MYBPC3: variants seen among roughly 807,000 people sequenced by gnomAD.
MYBPC3 encodes the protein myosin-binding protein C, cardiac-type.
In MYBPC3, 108 loss-of-function variants were observed where a neutral mutation model predicts 159.3. The ratio of observed to expected loss-of-function variants is 0.68; its 90% CI spans 0.58 to 0.80. The LOEUF is 0.80. Among genes scored for constraint, MYBPC3 ranks in the 30% least tolerant of loss-of-function variants. The pLI is 0.00. For missense variants in MYBPC3, 1,631 were observed against 1,762.1 expected (o/e 0.93, Z 1.33); for synonymous variants, 730 against 702.0 (o/e 1.04, Z -0.63).
chr11:47,346,668 G>C lies in MYBPC3; in HGVS notation c.909-24C>G. The C allele has an allele frequency of 6.3e-7, 1 of 1,597,122 alleles. No homozygotes were observed. The highest frequency in any genetic ancestry group is 8.5e-7 in the Non-Finnish European group (1 of 1,170,532). ...TGCTGCTCCAGGGGTGGGGGTGGGA[G>C]AAAGGGTAGGTGGCACATGAGAGGT... On this transcript the variant is annotated intron_variant, in intron 10 of 34. Transcript: ENST00000545968. The surrounding 1 kb of genome is among the most constrained non-coding windows in gnomAD (Gnocchi z 5.3).
intron 27 of MYBPC3, 104 bp from the exon 28 acceptor site, chr11:47,334,114 A>C (rs1477522299): frequency 7.8e-6 from 9 of 1,152,434 alleles, no homozygotes; most frequent in Non-Finnish European, 9.9e-6. Context: ...TGCAGCTAAG[A>C]AAAAAGCTGC....
intron 6 of MYBPC3, among the ~76,000 whole-genome samples, 172 bp from the exon 7 acceptor site, chr11:47,348,077 C>A (rs2095896250): frequency 6.6e-6 from 1 of 152,190 alleles, no homozygotes; most frequent in Non-Finnish European, 1.5e-5. Flanking sequence ...GGTCAAGGTA[C>A]CAGGCAGGTG....
chr11:47,343,031 G>T lies in MYBPC3; in HGVS notation c.1341C>A (p.Leu447=). ...VVGGEKCSTE[L]FVKEPPVLIT... is the part of the protein sequence containing the mutation. ...AGGTCCCAGGCCCACCTTTCACAAA[G>T]AGCTCCGTGCTACACTTCTCGCCAC... The change falls in exon 15 of 35, where the codon CTC becomes CTA. Residue 447 remains leucine (L), a synonymous_variant. Transcript: ENST00000545968. The T allele has an allele frequency of 6.2e-7, 1 of 1,613,292 alleles. No homozygotes were observed. The highest frequency in any genetic ancestry group is 1.1e-5 in the South Asian group (1 of 90,958).
Position 47,333,259 on chromosome 11 carries a change from G to A in MYBPC3, c.3265C>T (p.Pro1089Ser), listed in dbSNP as rs1489606321. 1 of 1,587,196 alleles carries A rather than the reference G, an allele frequency of 6.3e-7. No homozygotes were observed. Among genetic ancestry groups the A allele is most frequent in the Non-Finnish European group, 8.6e-7 (1 of 1,166,264 alleles). ...AGCTCCGTGTTGCCGACATCCTGGG[G>A]TGGCTTCCACTCCAGAGCCACATTA... Reference protein sequence around the residue: ...GLNVALEWKPPQDVGNTELWG... With the variant: ...GLNVALEWKPSQDVGNTELWG... The change falls in exon 30 of 35, where the codon CCC (proline) becomes TCC (serine). Residue 1089 changes from proline (P) to serine (S), a missense_variant. Transcript: ENST00000545968.
At chr11:47,344,168 C>G (rs1178390355) in intron 12 of MYBPC3, among the ~76,000 whole-genome samples, 2 of 152,250 alleles carry the variant, frequency 1.3e-5, no homozygotes, top group African/African-American at 4.8e-5. Flanking sequence ...GTCCTCTCCA[C>G]CTGCTCAGCT....
At chr11:47,349,686 G>A in intron 5 of MYBPC3, 88 bp downstream of exon 5, 2 of 1,486,140 alleles carry the variant, frequency 1.3e-6, no homozygotes, top group African/African-American at 1.4e-5. Flanking sequence ...TGTGCCTCTG[G>A]GTCTCATGGT....
Position 47,331,604 on chromosome 11 carries a change from GA to G in MYBPC3, c.*138del, listed in dbSNP as rs2095874795. 2 of 513,388 alleles carry G rather than the reference GA, an allele frequency of 3.9e-6. No individual in the cohort carries two copies. Among genetic ancestry groups the G allele is most frequent in the Non-Finnish European group, 7.0e-6 (2 of 285,732 alleles). The allele number at this position is 513,388 out of a possible 1,614,324, so 31.8% of individuals were successfully genotyped here. On this transcript the variant is annotated 3_prime_UTR_variant, in exon 35 of 35. Coordinates refer to ENST00000545968, the MANE Select transcript of MYBPC3 (RefSeq NM_000256.3). The stretch of plus-strand genomic sequence containing the variant: ...AGGACTGCCCGACAACTGCCCTGCT[GA>G]TCCCCCATCGCAGCACAGGAGACAC...
Position 47,342,656 on chromosome 11 carries a change from C to T in MYBPC3, c.1546G>A (p.Glu516Lys), listed in dbSNP as rs730880545. ...TGCCCCGCGTCCTCCAGCATGGCCT[C>T]GTTGATGATCAGGTGGTGTCTCTGC... ...DGQRHHLIIN[E>K]AMLEDAGHYA... The change falls in exon 17 of 35, where the codon GAG becomes AAG. Residue 516 changes from glutamate (E) to lysine (K), a missense_variant. By Grantham distance (56) the Glu-to-Lys change is moderately conservative. Coordinates refer to ENST00000545968, the MANE Select transcript of MYBPC3 (RefSeq NM_000256.3). 1.4e-5 allele frequency: 22 copies of T among 1,613,892 alleles called. No homozygotes were observed. The South Asian group carries it at 1.6e-4, about 12-fold the overall frequency.
intron 12 of MYBPC3, among the ~76,000 whole-genome samples, chr11:47,344,377 G>A (rs1339452265): frequency 1.3e-5 from 2 of 152,290 alleles, no homozygotes; most frequent in South Asian, 4.1e-4. Flanking sequence ...CCATGCTGCT[G>A]CAGTGGGGGA....
intron 17 of MYBPC3, 99 bp downstream of exon 17, chr11:47,342,479 C>T: frequency 7.2e-7 from 1 of 1,394,798 alleles, no homozygotes; most frequent in South Asian, 1.5e-5. Context: ...TCACAGAGGC[C>T]TTGAGCCCAG....
chr11:47,343,744 G>T, intron 12 of MYBPC3, 120 bp from the exon 13 acceptor site: 1 of 925,528 alleles, frequency 1.1e-6, no homozygotes, highest in East Asian at 2.8e-5. Flanking sequence ...GTGCCGCCCC[G>T]CTTCCACTTC....
rs397515998 is a variant in MYBPC3, at chr11:47,333,699, G to A, written c.3048C>T (p.Gly1016=). ...TWTKEGQPLA[G]EEVSIRNSPT... ...GGCTGTTGCGGATGCTCACCTCCTC[G>A]CCTGCCAGGGGCTGCCCCTCTTTGG... The change falls in exon 29 of 35, where the codon GGC becomes GGT. Residue 1016 remains glycine, a synonymous_variant. Transcript: ENST00000545968. The A allele has an allele frequency of 3.7e-6, 6 of 1,610,170 alleles. No individual in the cohort carries two copies. The highest frequency in any genetic ancestry group is 1.7e-5 in the Admixed American group (1 of 59,946).
intron 25 of MYBPC3, 131 bp downstream of exon 25, chr11:47,337,260 A>G: frequency 1.0e-6 from 1 of 986,040 alleles, no homozygotes; most frequent in Non-Finnish European, 1.4e-6. Context: ...GCGGCTGAGT[A>G]TCCCCAGTCG....
Position 47,333,590 on chromosome 11 carries a change from C to T in MYBPC3, c.3157G>A (p.Glu1053Lys), listed in dbSNP as rs1436261457. 1 of 1,601,854 alleles carries T rather than the reference C, an allele frequency of 6.2e-7. No individual in the cohort carries two copies. Among genetic ancestry groups the T allele is most frequent in the South Asian group, 1.1e-5 (1 of 91,088 alleles). Residue 1053 changes from glutamate (E) to lysine (K), a missense_variant, in exon 29 of 35, where the codon GAG becomes AAG. Transcript: ENST00000545968. ...TGCAGCACCAGCGTGGCCTTGTCCT[C>T]CATGTTCTCAATGCGCACCGTCACC... ...YQVTVRIENMEDKATLVLQVV... is the reference protein window; with the variant it reads ...YQVTVRIENMKDKATLVLQVV...
Position 47,347,428 on chromosome 11 carries a change from CTT to C in MYBPC3, c.901_902del (p.Lys301GlufsTer31). 1 of 1,585,526 alleles carries C rather than the reference CTT, an allele frequency of 6.3e-7. No individual in the cohort carries two copies. On this transcript the variant is annotated frameshift_variant, in exon 9 of 35. Coordinates refer to ENST00000545968, the MANE Select transcript of MYBPC3 (RefSeq NM_000256.3). LOFTEE classifies it high-confidence loss of function. ...AGGAACTGCCACCCAGGACTCACCT[CTT>C]TTTCAGCAGTGAGCTGAAGTCCAGA... is the stretch of plus-strand genomic sequence containing the variant. The part of the protein sequence containing the change: ...GILDFSSLLK[K>X]RDSFRTPRDS...
chr11:47,340,342 A>C (rs2095887320), intron 20 of MYBPC3, among the ~76,000 whole-genome samples: 1 of 152,204 alleles, frequency 6.6e-6, no homozygotes, highest in African/African-American at 2.4e-5. Flanking sequence ...TCCCTGGCCA[A>C]ATAAATCAGG....
Position 47,339,481 on chromosome 11 carries a change from A to G in MYBPC3, c.2068-77T>C, listed in dbSNP as rs550954218. 161 of 1,532,450 alleles carry G rather than the reference A, an allele frequency of 1.1e-4. 1 individual carries two copies. The Admixed American group carries it at 2.7e-3, about 26-fold the overall frequency. 94.9% of individuals were successfully genotyped at this position (1,532,450 alleles called of 1,614,324 possible). A position where few individuals can be genotyped will look rare whatever the true frequency, so the allele number is the denominator to read the frequency against. On this transcript the variant is annotated intron_variant, in intron 21 of 34. Coordinates refer to ENST00000545968, the MANE Select transcript of MYBPC3 (RefSeq NM_000256.3). ...GAAGCGCCCCTCTGCTGCTTCTTCCACCCCCTGACCCACACTGCCCACCTT... is the reference window on the plus strand; with the variant it reads ...GAAGCGCCCCTCTGCTGCTTCTTCCGCCCCCTGACCCACACTGCCCACCTT...
At position 47,338,643 on chromosome 11, in the gene MYBPC3, T is replaced by A; in HGVS notation, c.2185A>T (p.Thr729Ser). ...CETEGRVRVE[T>S]TKDRSIFTVE... ...GTGAAGATGCTGCGGTCCTTGGTGGTCTCCACGCGGACCCGGCCCTCGGTC... is the reference window on the plus strand; with the variant it reads ...GTGAAGATGCTGCGGTCCTTGGTGGACTCCACGCGGACCCGGCCCTCGGTC... The change falls in exon 23 of 35, where the codon ACC (threonine) becomes TCC (serine). Residue 729 changes from threonine (T) to serine (S), a missense_variant. Transcript: ENST00000545968. The surrounding 1 kb of genome is among the most constrained non-coding windows in gnomAD (Gnocchi z 4.7). 1.2e-6 allele frequency: 2 copies of A among 1,613,736 alleles called. No individual in the cohort carries two copies. The highest frequency in any genetic ancestry group is 2.2e-5 in the East Asian group (1 of 44,870).
intron 6 of MYBPC3, 73 bp downstream of exon 6, chr11:47,348,351 G>A (rs2142866087): frequency 8.8e-7 from 1 of 1,132,582 alleles, no homozygotes; most frequent in East Asian, 2.6e-5. Context: ...CCTCCTTAGT[G>A]TTGGGAAAAG....
Sources: allele counts gnomAD v4.1 joint callset (sites outside exome capture counted in the v4.1 genomes callset), GRCh38; gene constraint gnomAD v4.1.1; non-coding constraint Gnocchi (gnomAD v3.1); transcripts MANE v1.5; gene names NCBI Gene and HGNC (gene_info 2026-07-23, HGNC 2026-07-21).